Variants in PABPC4L observed in about 807,000 individuals in gnomAD.
The protein encoded by PABPC4L is poly(A) binding protein cytoplasmic 4 like, also known as polyadenylate-binding protein 4-like.
For missense variants in PABPC4L, 452 were observed against 451.4 expected (o/e 1.00, Z -0.01); for synonymous variants, 169 against 164.1 (o/e 1.03, Z -0.23).
At chr4:134,013,989 A>G in the PABPC4L span, among the ~76,000 whole-genome samples, 1 of 152,162 alleles carries the variant, frequency 6.6e-6, no homozygotes, top group East Asian at 1.9e-4. Context: ...AGGTGGCTGG[A>G]GCTAAAGGCA....
At chr4:134,062,542 T>A in the PABPC4L span, among the ~76,000 whole-genome samples, 1 of 152,028 alleles carries the variant, frequency 6.6e-6, no homozygotes, top group Non-Finnish European at 1.5e-5. Flanking sequence ...CAAAAGTGAT[T>A]AAACAAATTG....
the PABPC4L span, among the ~76,000 whole-genome samples, chr4:134,147,783 G>C: frequency 6.7e-6 from 1 of 149,694 alleles, no homozygotes; most frequent in African/African-American, 2.5e-5. Context: ...TTTCCTAGAA[G>C]AAGATGTTAA....
chr4:134,058,150 T>C, the PABPC4L span, among the ~76,000 whole-genome samples: 1 of 152,038 alleles, frequency 6.6e-6, no homozygotes, highest in African/African-American at 2.4e-5. Flanking sequence ...TATCACTAAT[T>C]AGCCAATTGT....
At chr4:134,046,464 A>T in the PABPC4L span, among the ~76,000 whole-genome samples, 1 of 152,064 alleles carries the variant, frequency 6.6e-6, no homozygotes, top group African/African-American at 2.4e-5. Flanking sequence ...TTACACCGAG[A>T]CATTCCCTTC....
At chr4:134,157,930 A>G in the PABPC4L span, among the ~76,000 whole-genome samples, 1 of 151,810 alleles carries the variant, frequency 6.6e-6, no homozygotes, top group Non-Finnish European at 1.5e-5. Context: ...CACACAAGGT[A>G]TGTCATTATG....
At chr4:134,002,186 C>A in the PABPC4L span, among the ~76,000 whole-genome samples, 1 of 151,598 alleles carries the variant, frequency 6.6e-6, no homozygotes, top group Non-Finnish European at 1.5e-5. Context: ...AACTTAAATC[C>A]GGTAAATATT....
chr4:134,107,212 T>C, the PABPC4L span, among the ~76,000 whole-genome samples: 2 of 151,332 alleles, frequency 1.3e-5, no homozygotes, highest in East Asian at 3.9e-4. Flanking sequence ...TTTAGGGAAA[T>C]AATTTAGAAA....
the PABPC4L span, among the ~76,000 whole-genome samples, chr4:134,146,237 C>A: frequency 6.6e-6 from 1 of 151,626 alleles, no homozygotes; most frequent in Non-Finnish European, 1.5e-5. Flanking sequence ...ATCTATATTT[C>A]AAGTTTATAC....
At chr4:134,179,924 A>T in the PABPC4L span, among the ~76,000 whole-genome samples, 1 of 152,134 alleles carries the variant, frequency 6.6e-6, no homozygotes, top group Admixed American at 6.5e-5. Context: ...TTAGATAACC[A>T]CACAATAACT....
chr4:134,032,006 C>T, the PABPC4L span, among the ~76,000 whole-genome samples: 2 of 151,740 alleles, frequency 1.3e-5, no homozygotes, highest in South Asian at 2.1e-4. Context: ...AATGTTTATT[C>T]ATAATATCTT....
At chr4:134,078,140 T>C in the PABPC4L span, among the ~76,000 whole-genome samples, 1 of 152,154 alleles carries the variant, frequency 6.6e-6, no homozygotes, top group African/African-American at 2.4e-5. Context: ...TTAACATAAG[T>C]AATACTAAAG....
the PABPC4L span, among the ~76,000 whole-genome samples, chr4:133,966,933 T>C: frequency 6.6e-6 from 1 of 152,158 alleles, no homozygotes; most frequent in African/African-American, 2.4e-5. Flanking sequence ...GAAAGAAATG[T>C]ACCTTGATCT....
the PABPC4L span, among the ~76,000 whole-genome samples, chr4:134,030,258 G>A: frequency 3.3e-5 from 5 of 152,184 alleles, no homozygotes; most frequent in African/African-American, 9.6e-5. Flanking sequence ...GGCTGGAACA[G>A]TTAGGAGGCC....
At chr4:134,125,311 C>CT in the PABPC4L span, among the ~76,000 whole-genome samples, 173 of 148,438 alleles carry the variant, frequency 1.2e-3, no homozygotes, top group African/African-American at 3.7e-3. Flanking sequence ...ACATCCTCCT[C>CT]TTTTTTTTTT....
downstream of PABPC4L, among the ~76,000 whole-genome samples, chr4:134,193,648 G>C (rs1729575794): frequency 6.6e-6 from 1 of 151,824 alleles, no homozygotes; most frequent in African/African-American, 2.4e-5. Context: ...TCCATGTTGG[G>C]CATCAATATT....
the PABPC4L span, among the ~76,000 whole-genome samples, chr4:134,093,663 A>G: frequency 6.6e-6 from 1 of 150,402 alleles, no homozygotes; most frequent in Non-Finnish European, 1.5e-5. Flanking sequence ...TGAGACCACC[A>G]TCAGGGTCAG....
chr4:133,962,963 C>T, the PABPC4L span, among the ~76,000 whole-genome samples: 1 of 152,146 alleles, frequency 6.6e-6, no homozygotes, highest in African/African-American at 2.4e-5. Context: ...CAACAAATAT[C>T]ACCATGAATG....
chr4:134,031,018 T>C, the PABPC4L span, among the ~76,000 whole-genome samples: 1 of 152,084 alleles, frequency 6.6e-6, no homozygotes, highest in Non-Finnish European at 1.5e-5. Flanking sequence ...TGCAGACATA[T>C]GTAAATGTAC....
At chr4:134,016,933 T>C in the PABPC4L span, among the ~76,000 whole-genome samples, 2 of 152,116 alleles carry the variant, frequency 1.3e-5, no homozygotes, top group Non-Finnish European at 2.9e-5. Flanking sequence ...GTAAGAAAAC[T>C]AAAATATCTC....
Sources: gnomAD v4.1 joint callset for allele counts (sites outside exome capture counted in the v4.1 genomes callset) on GRCh38, gnomAD v4.1.1 for gene constraint, MANE v1.5 for transcripts, NCBI Gene and HGNC (gene_info 2026-07-23, HGNC 2026-07-21) for gene names.